The following BMAL1 variants were observed in gnomAD, a reference collection of about 807,000 sequenced individuals.
The protein encoded by BMAL1 is basic helix-loop-helix ARNT-like protein 1.
the BMAL1 span, chr11:13,378,280 T>C: frequency 6.6e-6 from 10 of 1,519,678 alleles, no homozygotes; most frequent in African/African-American, 1.4e-4. Context: ...CTTTAATACA[T>C]AATAGTATTT....
the BMAL1 span, chr11:13,277,005 T>G: frequency 2.0e-5 from 3 of 152,258 alleles, no homozygotes; most frequent in Non-Finnish European, 4.4e-5. Flanking sequence ...CGCTCGAGTA[T>G]TCTCTTTGGA....
chr11:13,303,901 G>A, the BMAL1 span, among the ~76,000 whole-genome samples: 1 of 152,306 alleles, frequency 6.6e-6, no homozygotes, highest in Admixed American at 6.5e-5. Context: ...ATGGTGTGTT[G>A]CAGCGAGTGA....
chr11:13,339,847 G>A, the BMAL1 span, among the ~76,000 whole-genome samples: 1 of 152,124 alleles, frequency 6.6e-6, no homozygotes, highest in Non-Finnish European at 1.5e-5. Context: ...TGTTTCGTTT[G>A]CTTGCCTTCC....
the BMAL1 span, chr11:13,380,930 A>T: frequency 6.3e-6 from 3 of 473,788 alleles, no homozygotes; most frequent in African/African-American, 2.0e-5. Flanking sequence ...GTTTTATTGG[A>T]ACACAGCCAC....
chr11:13,284,245 TATATATATATATATATATA>T, the BMAL1 span, among the ~76,000 whole-genome samples: 21 of 23,978 alleles, frequency 8.8e-4, 1 homozygote, highest in Non-Finnish European at 1.2e-3. Context: ...TATATATATA[TATATATATATATATATATA>T]TATTTTTTTT....
chr11:13,294,142 G>A, the BMAL1 span, among the ~76,000 whole-genome samples: 1 of 152,016 alleles, frequency 6.6e-6, no homozygotes, highest in Non-Finnish European at 1.5e-5. Context: ...CTTCATGAAG[G>A]GTTTGTATTG....
chr11:13,365,652 A>G, the BMAL1 span: 1 of 1,383,612 alleles, frequency 7.2e-7, no homozygotes, highest in Admixed American at 1.8e-5. Flanking sequence ...GTGTCACTCA[A>G]TTTTGTCAGA....
the BMAL1 span, chr11:13,372,327 G>A: frequency 1.2e-6 from 2 of 1,614,192 alleles, no homozygotes; most frequent in East Asian, 2.2e-5. Flanking sequence ...TCCACAACCA[G>A]TGAACGGGGA....
chr11:13,313,534 G>C, the BMAL1 span, among the ~76,000 whole-genome samples: 1 of 152,078 alleles, frequency 6.6e-6, no homozygotes, highest in African/African-American at 2.4e-5. Context: ...TGCTTCATGA[G>C]TCGTCCTGGC....
At chr11:13,338,188 G>GT in the BMAL1 span, among the ~76,000 whole-genome samples, 581 of 151,110 alleles carry the variant, frequency 3.8e-3, 10 homozygotes, top group East Asian at 4.5e-3. Flanking sequence ...AAGTTTGTGG[G>GT]TTTTTTTTTT....
chr11:13,317,299 T>A, the BMAL1 span, among the ~76,000 whole-genome samples: 1 of 152,242 alleles, frequency 6.6e-6, no homozygotes, highest in South Asian at 2.1e-4. Context: ...TGTTTATTAT[T>A]GTTTTGTCTT....
the BMAL1 span, among the ~76,000 whole-genome samples, chr11:13,355,725 C>G: frequency 3.3e-5 from 5 of 152,088 alleles, no homozygotes; most frequent in African/African-American, 7.2e-5. Context: ...TTTTGTCCTT[C>G]CGTGCGGCCT....
At chr11:13,363,360 G>A in the BMAL1 span, among the ~76,000 whole-genome samples, 1 of 151,902 alleles carries the variant, frequency 6.6e-6, no homozygotes, top group Non-Finnish European at 1.5e-5. Flanking sequence ...ACTTCATGTT[G>A]GGCTTGTCTC....
the BMAL1 span, among the ~76,000 whole-genome samples, chr11:13,361,727 C>G: frequency 1.3e-5 from 2 of 152,082 alleles, no homozygotes; most frequent in Non-Finnish European, 2.9e-5. Context: ...TGTTGGGTTG[C>G]TGCAGTGGTT....
At chr11:13,354,627 G>A in the BMAL1 span, 2 of 771,858 alleles carry the variant, frequency 2.6e-6, no homozygotes, top group Non-Finnish European at 4.0e-6. Flanking sequence ...TAAGCAAGAA[G>A]GAGCCTTCAG....
the BMAL1 span, among the ~76,000 whole-genome samples, chr11:13,325,088 G>A: frequency 3.9e-5 from 6 of 152,176 alleles, no homozygotes; most frequent in Admixed American, 1.3e-4. Context: ...GGGATAACTT[G>A]GTATAGTGAT....
chr11:13,309,412 C>T, the BMAL1 span, among the ~76,000 whole-genome samples: 31 of 152,188 alleles, frequency 2.0e-4, no homozygotes, highest in Middle Eastern at 3.4e-3. Context: ...ATGGTTTCTG[C>T]CCAGGGGAGT....
the BMAL1 span, among the ~76,000 whole-genome samples, chr11:13,326,211 A>AT: frequency 6.6e-6 from 1 of 151,836 alleles, no homozygotes; most frequent in Non-Finnish European, 1.5e-5. Flanking sequence ...TAAAAAAAAA[A>AT]AAAAGAGTAG....
the BMAL1 span, among the ~76,000 whole-genome samples, chr11:13,298,666 T>C: frequency 1.2e-4 from 19 of 152,306 alleles, no homozygotes; most frequent in Admixed American, 1.2e-3. Context: ...TGAGTTTGGA[T>C]GCACAAAGGT....
Sources: allele counts gnomAD v4.1 joint callset (sites outside exome capture counted in the v4.1 genomes callset), GRCh38; gene constraint gnomAD v4.1.1; transcripts MANE v1.5; gene names NCBI Gene and HGNC (gene_info 2026-07-23, HGNC 2026-07-21).